The following SENP6 variants were observed in gnomAD, a reference collection of about 807,000 sequenced individuals.
SENP6 encodes SUMO specific peptidase 6.
Under a neutral mutation model 134.5 loss-of-function variants are expected in SENP6, and 41 were observed. That is an observed-to-expected ratio of 0.30 (90% CI 0.24 to 0.40). The LOEUF (loss-of-function observed/expected upper bound fraction) is 0.40. Among genes scored for constraint, SENP6 ranks in the 10% least tolerant of loss-of-function variants. SENP6 has a pLI of 1.00. For synonymous variants in SENP6, 395 were observed against 429.8 expected (o/e 0.92, Z 1.00); for missense variants, 1,248 against 1,312.5 (o/e 0.95, Z 0.76).
chr6:75,687,095 C>G (rs1773895972), intron 16 of SENP6, among the ~76,000 whole-genome samples: 1 of 152,072 alleles, frequency 6.6e-6, no homozygotes, highest in South Asian at 2.1e-4. Context: ...TTGTTTGTTT[C>G]TTTTTACTTT....
At chr6:75,640,865 T>C (rs1464025525) in intron 6 of SENP6, among the ~76,000 whole-genome samples, 161 bp downstream of exon 6, 1 of 152,140 alleles carries the variant, frequency 6.6e-6, no homozygotes, top group Non-Finnish European at 1.5e-5. Flanking sequence ...ATTTATAGGA[T>C]ACAGAGTAAT....
intron 1 of SENP6, among the ~76,000 whole-genome samples, chr6:75,605,910 G>A (rs117915458): frequency 0.018 from 2,742 of 152,294 alleles, 52 homozygotes; most frequent in Non-Finnish European, 0.029. Flanking sequence ...GCTTCAATTA[G>A]CATGATGTCA....
intron 16 of SENP6, among the ~76,000 whole-genome samples, chr6:75,691,828 T>C (rs1774295504): frequency 6.6e-6 from 1 of 152,076 alleles, no homozygotes; most frequent in African/African-American, 2.4e-5. Flanking sequence ...TCTCCTGACC[T>C]CGTGATCCGC....
intron 3 of SENP6, among the ~76,000 whole-genome samples, 190 bp from the exon 4 acceptor site, chr6:75,633,391 T>A (rs920985463): frequency 1.3e-5 from 2 of 152,222 alleles, no homozygotes; most frequent in Non-Finnish European, 2.9e-5. Flanking sequence ...TCCATGTTCC[T>A]ACAAATTTGC....
intron 18 of SENP6, among the ~76,000 whole-genome samples, chr6:75,701,236 CT>C (rs1775001995): frequency 1.3e-5 from 2 of 152,202 alleles, no homozygotes; most frequent in Non-Finnish European, 2.9e-5. Context: ...TCCCTGACAT[CT>C]ATAGCCTGTT....
chr6:75,614,130 A>AT (rs1390359365), intron 1 of SENP6, among the ~76,000 whole-genome samples: 2 of 152,078 alleles, frequency 1.3e-5, no homozygotes, highest in African/African-American at 4.8e-5. Flanking sequence ...CATAAAAATG[A>AT]TTTTTTTGTT....
chr6:75,698,248 G>T (rs553708237), intron 18 of SENP6, among the ~76,000 whole-genome samples: 2 of 152,294 alleles, frequency 1.3e-5, no homozygotes, highest in East Asian at 3.9e-4. Context: ...TGAGTGATAT[G>T]GGGGAGGGTC....
intron 22 of SENP6, 36 bp downstream of exon 22, chr6:75,713,617 TGAA>T: frequency 6.3e-7 from 1 of 1,599,318 alleles, no homozygotes; most frequent in African/African-American, 1.3e-5. Flanking sequence ...CTGATGGGGA[TGAA>T]GAACTATGTA....
chr6:75,605,766 G>A (rs1240475772), intron 1 of SENP6, among the ~76,000 whole-genome samples: 3 of 152,162 alleles, frequency 2.0e-5, no homozygotes, highest in African/African-American at 7.2e-5. Flanking sequence ...TGGCGCAAGG[G>A]GGTGTAATGA....
chr6:75,628,208 A>G (rs1561981105), intron 3 of SENP6, among the ~76,000 whole-genome samples: 1 of 152,088 alleles, frequency 6.6e-6, no homozygotes, highest in Non-Finnish European at 1.5e-5. Context: ...TCTTCTGTTC[A>G]GTTTTCCCAT....
intron 13 of SENP6, 171 bp from the exon 14 acceptor site, chr6:75,676,859 A>T: frequency 1.9e-6 from 1 of 534,316 alleles, no homozygotes; most frequent in Non-Finnish European, 3.3e-6. Flanking sequence ...TGTAACACAT[A>T]CTGGTCTTTC....
chr6:75,649,726 A>C (rs950361592), intron 7 of SENP6, among the ~76,000 whole-genome samples: 3 of 152,162 alleles, frequency 2.0e-5, no homozygotes, highest in African/African-American at 7.2e-5. Context: ...CATGTTGGCC[A>C]GACTGGTCTC....
In SENP6 at chr6:75,659,344, T is replaced by C. The variant is rs370794979; in HGVS notation, c.633T>C (p.Cys211=). ...IKRKVQQKRH[C]STYQPTPPLS... is the part of the protein sequence containing the mutation. ...GGAAAGTACAACAGAAACGACACTG[T>C]AGTACCTATCAGCCTACTCCTCCTC... The change falls in exon 8 of 24, where the codon TGT becomes TGC. Residue 211 remains cysteine (C), a synonymous_variant. Coordinates refer to ENST00000447266, the MANE Select transcript of SENP6 (RefSeq NM_015571.4). 1.5e-4 allele frequency: 240 copies of C among 1,611,144 alleles called. 2 individuals are homozygous for C. The African/African-American group carries it at 3.0e-3, about 20-fold the overall frequency.
chr6:75,694,789 T>C (rs1344927857), intron 16 of SENP6, among the ~76,000 whole-genome samples: 2 of 152,214 alleles, frequency 1.3e-5, no homozygotes, highest in Non-Finnish European at 2.9e-5. Flanking sequence ...TGGTTAGCAT[T>C]TTTCTTATGC....
intron 3 of SENP6, among the ~76,000 whole-genome samples, chr6:75,631,712 G>A (rs1030123462): frequency 2.6e-5 from 4 of 152,208 alleles, no homozygotes; most frequent in African/African-American, 9.6e-5. Flanking sequence ...TATTTGGACA[G>A]AGTTGAGTAG....
chr6:75,688,844 G>T (rs1257508146), intron 16 of SENP6, among the ~76,000 whole-genome samples: 1 of 152,230 alleles, frequency 6.6e-6, no homozygotes, highest in African/African-American at 2.4e-5. Context: ...GAGGCAGGTG[G>T]ATCATCTGAG....
chr6:75,622,583 AC>A (rs540839690), intron 2 of SENP6, among the ~76,000 whole-genome samples: 1 of 152,188 alleles, frequency 6.6e-6, no homozygotes, highest in Non-Finnish European at 1.5e-5. Context: ...AAACAAAAAA[AC>A]ATTGTTTTTA....
chr6:75,635,019 A>T, intron 5 of SENP6: 1 of 641,158 alleles, frequency 1.6e-6, no homozygotes, highest in Non-Finnish European at 2.9e-6. Context: ...AGAATTTTTC[A>T]CTAAGACCTG....
chr6:75,686,328 A>C (rs1213105296), intron 16 of SENP6, among the ~76,000 whole-genome samples: 1 of 152,046 alleles, frequency 6.6e-6, no homozygotes. Context: ...CAGCACACTG[A>C]TGGGTCTTGA....
Sources: allele counts gnomAD v4.1 joint callset (sites outside exome capture counted in the v4.1 genomes callset), GRCh38; gene constraint gnomAD v4.1.1; transcripts MANE v1.5; gene names NCBI Gene and HGNC (gene_info 2026-07-23, HGNC 2026-07-21).